ATP2A2: variants seen among roughly 807,000 people sequenced by gnomAD.
The protein encoded by ATP2A2 is sarcoplasmic/endoplasmic reticulum calcium ATPase 2.
A neutral mutation model predicts 109.3 loss-of-function variants in ATP2A2; 14 were observed. That is an observed-to-expected ratio of 0.13 (90% confidence interval 0.08 to 0.20). The LOEUF (loss-of-function observed/expected upper bound fraction) is 0.20, where lower values mean the gene tolerates loss of function less well. Among genes scored for constraint, ATP2A2 ranks in the 10% least tolerant of loss-of-function variants. The pLI is 1.00. For synonymous variants in ATP2A2, 506 were observed against 490.9 expected (o/e 1.03, Z -0.41); for missense variants, 657 against 1,321.6 (o/e 0.50, Z 7.80).
chr12:110,303,100 G>T (rs1237233464), intron 5 of ATP2A2, among the ~76,000 whole-genome samples: 2 of 152,220 alleles, frequency 1.3e-5, no homozygotes, highest in African/African-American at 4.8e-5. Context: ...ATTGACTGTT[G>T]TAACGTTATC....
chr12:110,347,696 G>A lies in ATP2A2; in HGVS notation c.*1226G>A. 6.9e-6 allele frequency: 8 copies of A among 1,167,246 alleles called. No individual in the cohort carries two copies. Among genetic ancestry groups the A allele is most frequent in the East Asian group, 6.0e-5 (1 of 16,704 alleles). The allele number at this position is 1,167,246 out of a possible 1,614,324, so 72.3% of individuals were successfully genotyped here. A position where few individuals can be genotyped will look rare whatever the true frequency, so the allele number is the denominator to read the frequency against. On this transcript the variant is annotated 3_prime_UTR_variant, in exon 20 of 20. Coordinates refer to ENST00000539276, the MANE Select transcript of ATP2A2 (RefSeq NM_170665.4). ...CACCGTTACTACGATCAATGTTTGC[G>A]CATGTTCGAGATGAGTCTCACCAAC...
rs371742182 is a variant in ATP2A2, at chr12:110,350,279, C to T, written c.*3809C>T. On this transcript the variant is annotated 3_prime_UTR_variant, in exon 20 of 20. Transcript: ENST00000539276. ...ATTTCATGAAGCTGATTTCCTCTCT[C>T]TTTCCTTTTCAGCAATACTGGAGTA... 5 of 1,614,120 alleles carry T rather than the reference C, an allele frequency of 3.1e-6. No individual in the cohort carries two copies. The African/African-American group carries it at 6.7e-5, about 22-fold the overall frequency.
rs746273200 is a variant in ATP2A2 at position 110,344,870 on chromosome 12, CTG to C, written c.2522-12_2522-11del. On this transcript the variant is annotated splice_polypyrimidine_tract_variant and intron_variant, in intron 16 of 19. Transcript: ENST00000539276. ...TGCAGAGGCAAGTGCATCAGCATCA[CTG>C]TGTTTGTTCCCAGGTTACGTCGGCG... 4.3e-6 allele frequency: 7 copies of C among 1,613,822 alleles called. No individual in the cohort carries two copies. Among genetic ancestry groups the C allele is most frequent in the African/African-American group, 2.7e-5 (2 of 74,924 alleles).
At chr12:110,345,647 C>A in intron 18 of ATP2A2, 1 of 589,156 alleles carries the variant, frequency 1.7e-6, no homozygotes, top group Non-Finnish European at 3.0e-6. Context: ...CCCTGTATGC[C>A]AGCACCCACA....
Position 110,350,435 on chromosome 12 carries a change from T to C in ATP2A2, c.*3965T>C. On this transcript the variant is annotated 3_prime_UTR_variant, in exon 20 of 20. Coordinates refer to ENST00000539276, the MANE Select transcript of ATP2A2 (RefSeq NM_170665.4). ...AAAGAAAAGTAAAAAACTTCCCAAC[T>C]CACTTTGTGTTATGTGGAGGAAATG... The C allele has an allele frequency of 2.1e-6, 3 of 1,455,156 alleles. No homozygotes were observed. The allele number at this position is 1,455,156 out of a possible 1,614,324, so 90.1% of individuals were successfully genotyped here. A position where few individuals can be genotyped will look rare whatever the true frequency, so the allele number is the denominator to read the frequency against.
intron 5 of ATP2A2, among the ~76,000 whole-genome samples, chr12:110,309,752 A>G (rs1209354408): frequency 6.6e-6 from 1 of 152,040 alleles, no homozygotes; most frequent in East Asian, 1.9e-4. Context: ...CAAAAAATAC[A>G]AAAATTAGCT....
chr12:110,283,237 AGTT>A (rs971119543), intron 3 of ATP2A2, among the ~76,000 whole-genome samples: 2 of 152,234 alleles, frequency 1.3e-5, no homozygotes, highest in African/African-American at 2.4e-5. Context: ...GCAAGGTGAC[AGTT>A]GTTCCTGACG....
At chr12:110,291,854 G>T (rs1351453831) in intron 3 of ATP2A2, among the ~76,000 whole-genome samples, 166 bp from the exon 4 acceptor site, 1 of 151,888 alleles carries the variant, frequency 6.6e-6, no homozygotes, top group African/African-American at 2.4e-5. Context: ...CGCCATGTTG[G>T]GCAGGTTGGT....
At chr12:110,289,353 A>C (rs1420171969) in intron 3 of ATP2A2, among the ~76,000 whole-genome samples, 2 of 152,210 alleles carry the variant, frequency 1.3e-5, no homozygotes, top group African/African-American at 4.8e-5. Context: ...GTATCAGAGC[A>C]GCTGTGATCC....
intron 3 of ATP2A2, among the ~76,000 whole-genome samples, chr12:110,288,266 T>TAA (rs200216134): frequency 6.6e-6 from 1 of 151,434 alleles, no homozygotes; most frequent in Admixed American, 6.6e-5. Context: ...CCCAACTAAT[T>TAA]AAAAAAAAAT....
In ATP2A2 at chr12:110,342,326, G is replaced by A; in HGVS notation, c.2196G>A (p.Met732Ile). 1.2e-6 allele frequency: 2 copies of A among 1,614,246 alleles called. No individual in the cohort carries two copies. Among genetic ancestry groups the A allele is most frequent in the Non-Finnish European group, 1.7e-6 (2 of 1,180,044 alleles). The change falls in exon 15 of 20, where the codon ATG becomes ATA. Residue 732 changes from methionine (M) to isoleucine (I), a missense_variant. Physicochemically the swap from Met to Ile is conservative, Grantham distance 10 (BLOSUM62 1). Coordinates refer to ENST00000539276, the MANE Select transcript of ATP2A2 (RefSeq NM_170665.4). The surrounding 1 kb of genome is among the most constrained non-coding windows in gnomAD (Gnocchi z 4.6). ...CGGTGGCTAAAACCGCCTCTGAGATGGTCCTGGCGGATGACAACTTCTCCA... is the reference window on the plus strand; with the variant it reads ...CGGTGGCTAAAACCGCCTCTGAGATAGTCCTGGCGGATGACAACTTCTCCA... ...GTAVAKTASEMVLADDNFSTI... is the reference protein window; with the variant it reads ...GTAVAKTASEIVLADDNFSTI...
In ATP2A2 at chr12:110,334,099, T is replaced by C. The variant is rs1592852545; in HGVS notation, c.1375T>C (p.Leu459=). The stretch of plus-strand genomic sequence containing the variant: ...GAAGATGAATGTATTTGATACCGAA[T>C]TGAAGGGTCTTTCTAAAATAGAACG... ...VEKMNVFDTE[L]KGLSKIERAN... is the part of the protein sequence containing the mutation. Residue 459 remains leucine, a synonymous_variant, in exon 11 of 20, where the codon TTG becomes CTG. Transcript: ENST00000539276. The C allele has an allele frequency of 2.5e-6, 4 of 1,614,144 alleles. No individual in the cohort carries two copies. The highest frequency in any genetic ancestry group is 1.6e-4 in the Middle Eastern group (1 of 6,062).
intron 4 of ATP2A2, among the ~76,000 whole-genome samples, chr12:110,294,550 G>C (rs768712135): frequency 6.6e-6 from 1 of 152,046 alleles, no homozygotes; most frequent in Non-Finnish European, 1.5e-5. Flanking sequence ...AGCTACTTGG[G>C]AGGCTGAGGC....
At position 110,281,563 on chromosome 12, in the gene ATP2A2, C is replaced by T. The variant is rs1027258161; in HGVS notation, c.-227C>T. 8.1e-5 allele frequency: 24 copies of T among 296,938 alleles called. No individual in the cohort carries two copies. The highest frequency in any genetic ancestry group is 1.4e-4 in the Non-Finnish European group (23 of 160,612). 18.4% of individuals were successfully genotyped at this position (296,938 alleles called of 1,614,324 possible). ...GAGGGGAGGGAGGGTGGGTCAGGAG[C>T]CCCCAACCCGCCCTGCGGAGCTCGG... is the stretch of plus-strand genomic sequence containing the variant. On this transcript the variant is annotated 5_prime_UTR_variant, in exon 1 of 20. Transcript: ENST00000539276.
chr12:110,332,364 A>T, intron 8 of ATP2A2: 1 of 532,520 alleles, frequency 1.9e-6, no homozygotes, highest in Non-Finnish European at 3.4e-6. Flanking sequence ...GCTGTTTTTC[A>T]TACTGTTCGA....
intron 8 of ATP2A2, chr12:110,329,325 C>A (rs544171974): frequency 6.6e-6 from 1 of 152,144 alleles, no homozygotes; most frequent in African/African-American, 2.4e-5. Context: ...TTTAGTTGAC[C>A]GTGGATGTGG....
chr12:110,306,285 C>T (rs1397638217), intron 5 of ATP2A2, among the ~76,000 whole-genome samples: 7 of 152,208 alleles, frequency 4.6e-5, no homozygotes, highest in African/African-American at 7.2e-5. Context: ...GTGATCCACC[C>T]GCCTTGGCCT....
chr12:110,299,202 G>GGGCTCAGGCAGTCCT (rs1167051159), intron 5 of ATP2A2, among the ~76,000 whole-genome samples: 46 of 151,856 alleles, frequency 3.0e-4, no homozygotes, highest in African/African-American at 1.1e-3. Flanking sequence ...TCAAACTCCT[G>GGGCTCAGGCAGTCCT]GGCTCAGGCA....
intron 4 of ATP2A2, among the ~76,000 whole-genome samples, chr12:110,293,826 ATGTGTGTGTGTG>A (rs59260681): frequency 7.3e-4 from 79 of 108,572 alleles, no homozygotes; most frequent in East Asian, 2.6e-3. Context: ...TGCCATATAT[ATGTGTGTGTGTG>A]TGTGTGTGTG....
Sources: gnomAD v4.1 joint callset for allele counts (sites outside exome capture counted in the v4.1 genomes callset) on GRCh38, gnomAD v4.1.1 for gene constraint, Gnocchi (gnomAD v3.1) non-coding constraint, MANE v1.5 for transcripts, NCBI Gene and HGNC (gene_info 2026-07-23, HGNC 2026-07-21) for gene names.